The following UBA6 variants were observed in gnomAD, a reference collection of about 807,000 sequenced individuals.
UBA6 encodes ubiquitin-like modifier-activating enzyme 6.
In UBA6, 87 loss-of-function variants were observed where a neutral mutation model predicts 148.3. The ratio of observed to expected loss-of-function variants is 0.59; its 90% CI spans 0.49 to 0.70. UBA6 has a LOEUF of 0.70. Ranked by LOEUF, UBA6 falls within the 30% of genes least tolerant of loss-of-function variation. The pLI is 0.00. For synonymous variants in UBA6, 376 were observed against 401.0 expected (o/e 0.94, Z 0.75); for missense variants, 1,186 against 1,241.2 (o/e 0.96, Z 0.67).
intron 17 of UBA6, among the ~76,000 whole-genome samples, chr4:67,641,927 T>C (rs986356475): frequency 1.3e-5 from 2 of 152,122 alleles, no homozygotes; most frequent in African/African-American, 4.8e-5. Flanking sequence ...CAAAATGCAT[T>C]TGCCACTTTA....
intron 16 of UBA6, among the ~76,000 whole-genome samples, chr4:67,645,542 AG>A: frequency 6.6e-6 from 1 of 152,194 alleles, no homozygotes; most frequent in East Asian, 1.9e-4. Context: ...GGTTGCAGTG[AG>A]CCGAGATCAT....
chr4:67,654,270 T>A (rs1025615103), intron 13 of UBA6, among the ~76,000 whole-genome samples: 3 of 152,020 alleles, frequency 2.0e-5, no homozygotes, highest in Admixed American at 6.5e-5. Flanking sequence ...GGAAAAAATG[T>A]TAAAGGCAGC....
chr4:67,640,532 G>A (rs1346207031), intron 18 of UBA6, among the ~76,000 whole-genome samples: 6 of 152,074 alleles, frequency 3.9e-5, no homozygotes, highest in East Asian at 1.9e-4. Context: ...CAGGCTGGTC[G>A]GGAACTCCTA....
chr4:67,657,009 C>G (rs1215427847), intron 13 of UBA6, among the ~76,000 whole-genome samples: 1 of 152,120 alleles, frequency 6.6e-6, no homozygotes, highest in African/African-American at 2.4e-5. Flanking sequence ...GAAGTACAAC[C>G]CACTGCTCAA....
intron 20 of UBA6, 73 bp from the exon 21 acceptor site, chr4:67,634,591 T>C: frequency 8.8e-7 from 1 of 1,137,928 alleles, no homozygotes; most frequent in Middle Eastern, 2.1e-4. Flanking sequence ...AATCTAGTTT[T>C]GAGCTTTAAG....
Position 67,616,428 on chromosome 4 carries a change from G to T in UBA6, c.*2569C>A. On this transcript the variant is annotated 3_prime_UTR_variant, in exon 33 of 33. Transcript: ENST00000322244. ...AATATCACCAGAGTGTGACATAGTA[G>T]ATTAAAAAATAAAGATATACATTTA... 3.5e-6 allele frequency: 1 copy of T among 281,856 alleles called. No homozygotes were observed. The highest frequency in any genetic ancestry group is 6.5e-6 in the Non-Finnish European group (1 of 153,302). The allele number at this position is 281,856 out of a possible 1,614,324, so 17.5% of individuals were successfully genotyped here.
intron 13 of UBA6, among the ~76,000 whole-genome samples, chr4:67,655,594 T>C (rs568010746): frequency 4.3e-4 from 66 of 152,086 alleles, no homozygotes; most frequent in African/African-American, 1.5e-3. Context: ...GCAGGAAAGA[T>C]CTAAAATCGA....
chr4:67,644,800 T>C, intron 16 of UBA6, 22 bp from the exon 17 acceptor site: 1 of 1,284,816 alleles, frequency 7.8e-7, no homozygotes, highest in East Asian at 2.3e-5. Context: ...AAAAATGGTA[T>C]ATATCAGATT....
At chr4:67,681,062 T>C (rs1229766133) in intron 4 of UBA6, among the ~76,000 whole-genome samples, 2 of 151,882 alleles carry the variant, frequency 1.3e-5, no homozygotes, top group African/African-American at 4.8e-5. Context: ...CCAACCAGAG[T>C]CATGCCCGAA....
rs748015379 is a variant in UBA6 at position 67,668,675 on chromosome 4, C to T, written c.670-1G>A. The T allele has an allele frequency of 6.2e-7, 1 of 1,610,878 alleles. No individual in the cohort carries two copies. Among genetic ancestry groups the T allele is most frequent in the Admixed American group, 1.7e-5 (1 of 59,760 alleles). ...GGCAAGTAACAATGCCAGGATTTGC[C>T]TAAAAATAAGAGTAATCTATTAAAA... On this transcript the variant is annotated splice_acceptor_variant, in intron 8 of 32. Transcript: ENST00000322244. LOFTEE classifies it high-confidence loss of function.
At position 67,617,624 on chromosome 4, in the gene UBA6, G is replaced by A. The variant is rs1265213944; in HGVS notation, c.*1373C>T. On this transcript the variant is annotated 3_prime_UTR_variant, in exon 33 of 33. Coordinates refer to ENST00000322244, the MANE Select transcript of UBA6 (RefSeq NM_018227.6). ...GTTGATAAAGTAATTTAAACTATTTGTAAATGAAATAAAAAGAAAGTAGGT... is the reference window on the plus strand; with the variant it reads ...GTTGATAAAGTAATTTAAACTATTTATAAATGAAATAAAAAGAAAGTAGGT... 3 of 152,080 alleles carry A rather than the reference G, an allele frequency of 2.0e-5. 1 individual carries two copies. In the South Asian group the frequency reaches 6.2e-4, roughly 32 times the overall value. The allele number at this position is 152,080 out of a possible 1,614,324, so 9.4% of individuals were successfully genotyped here.
chr4:67,649,611 T>C (rs1729505106), intron 13 of UBA6, among the ~76,000 whole-genome samples: 2 of 152,110 alleles, frequency 1.3e-5, no homozygotes, highest in Admixed American at 6.5e-5. Context: ...TGAACTATGA[T>C]AAAGGAAAAT....
intron 6 of UBA6, among the ~76,000 whole-genome samples, chr4:67,677,013 C>G (rs530758382): frequency 6.6e-6 from 1 of 152,064 alleles, no homozygotes; most frequent in Non-Finnish European, 1.5e-5. Context: ...AACTACTGAT[C>G]CATGTATTTT....
chr4:67,694,278 AGTCAC>A (rs1730775709), intron 2 of UBA6, among the ~76,000 whole-genome samples: 1 of 133,836 alleles, frequency 7.5e-6, no homozygotes, highest in Non-Finnish European at 1.6e-5. Context: ...CTTCAGATTC[AGTCAC>A]TATAAAAAAA....
chr4:67,642,251 G>A (rs530876749), intron 17 of UBA6, among the ~76,000 whole-genome samples: 9 of 151,858 alleles, frequency 5.9e-5, no homozygotes, highest in Non-Finnish European at 1.3e-4. Flanking sequence ...CCCCAAACTG[G>A]TTTAGAAGCT....
chr4:67,636,264 G>T (rs1729135375), intron 19 of UBA6, among the ~76,000 whole-genome samples: 1 of 152,216 alleles, frequency 6.6e-6, no homozygotes, highest in Non-Finnish European at 1.5e-5. Flanking sequence ...GTAAAAATGA[G>T]TGCCATGAAG....
chr4:67,664,842 C>T (rs1413353791), intron 10 of UBA6, among the ~76,000 whole-genome samples: 1 of 151,966 alleles, frequency 6.6e-6, no homozygotes, highest in African/African-American at 2.4e-5. Flanking sequence ...CTTGAAAATA[C>T]ATTAGTTTTA....
At position 67,634,432 on chromosome 4, in the gene UBA6, A is replaced by C. The variant is rs1033961173; in HGVS notation, c.1929T>G (p.Asp643Glu). The change falls in exon 21 of 33, where the codon GAT becomes GAG. Residue 643 changes from aspartate to glutamate, a missense_variant. Physicochemically the swap from Asp to Glu is conservative, Grantham distance 45. Coordinates refer to ENST00000322244, the MANE Select transcript of UBA6 (RefSeq NM_018227.6). The part of the protein sequence containing the change: ...AIEHTIQWAR[D>E]KFESSFSHKP... ...AAATTTAAAAAGGAACTTTTACCTTATCTCTTGCCCACTGTATGGTATGTT... is the reference window on the plus strand; with the variant it reads ...AAATTTAAAAAGGAACTTTTACCTTCTCTCTTGCCCACTGTATGGTATGTT... 6 of 1,575,982 alleles carry C rather than the reference A, an allele frequency of 3.8e-6. No individual in the cohort carries two copies. Among genetic ancestry groups the C allele is most frequent in the Admixed American group, 4.1e-5 (2 of 48,510 alleles).
chr4:67,678,726 G>C (rs188303671), intron 4 of UBA6, among the ~76,000 whole-genome samples, 193 bp from the exon 5 acceptor site: 1 of 152,282 alleles, frequency 6.6e-6, no homozygotes, highest in East Asian at 1.9e-4. Flanking sequence ...TCACTTGTTA[G>C]ATTGGCATAA....
Sources: allele counts gnomAD v4.1 joint callset (sites outside exome capture counted in the v4.1 genomes callset), GRCh38; gene constraint gnomAD v4.1.1; transcripts MANE v1.5; gene names NCBI Gene and HGNC (gene_info 2026-07-23, HGNC 2026-07-21).